Variants in PTH2R observed in about 807,000 individuals in gnomAD.
The protein encoded by PTH2R is PTH2 receptor.
Under a neutral mutation model 60.3 loss-of-function variants are expected in PTH2R, and 59 were observed. The observed-to-expected ratio is 0.98, with a 90% CI of 0.79 to 1.22. PTH2R has a LOEUF of 1.22. PTH2R is among the 50% of genes most tolerant of loss of function. The pLI, the probability that PTH2R is intolerant of heterozygous loss-of-function variation, is 0.00. For missense variants in PTH2R, 749 were observed against 682.6 expected, an observed-to-expected ratio of 1.10 and a Z score of -1.08; for synonymous variants, 256 against 243.8, an observed-to-expected ratio of 1.05 and a Z score of -0.47.
chr2:208,415,136 A>G (rs1459672247), intron 1 of PTH2R, among the ~76,000 whole-genome samples: 1 of 152,218 alleles, frequency 6.6e-6, no homozygotes, highest in Non-Finnish European at 1.5e-5. Flanking sequence ...CAATAGATCA[A>G]TATTGATTCA....
At chr2:208,467,730 T>C (rs2576810) in intron 9 of PTH2R, among the ~76,000 whole-genome samples, 125,145 of 152,164 alleles carry the variant, frequency 0.82, 52,150 homozygotes, top group African/African-American at 0.94. Flanking sequence ...CTACAAAAAC[T>C]GAGAGACAGG....
At chr2:208,389,297 CT>C (rs1205115480) in intron 1 of PTH2R, among the ~76,000 whole-genome samples, 3 of 151,200 alleles carry the variant, frequency 2.0e-5, no homozygotes, top group Non-Finnish European at 2.9e-5. Flanking sequence ...TCCAGATTGT[CT>C]ATACTCCTTG....
At chr2:208,488,833 C>T (rs6754577) in intron 10 of PTH2R, among the ~76,000 whole-genome samples, 179 bp from the exon 11 acceptor site, 85,350 of 152,004 alleles carry the variant, frequency 0.56, 27,004 homozygotes, top group Non-Finnish European at 0.69. Context: ...GCTGTGATCA[C>T]GCCACTGTAC....
intron 1 of PTH2R, among the ~76,000 whole-genome samples, chr2:208,362,064 C>G (rs1700484777): frequency 6.6e-6 from 1 of 152,188 alleles, no homozygotes; most frequent in African/African-American, 2.4e-5. Flanking sequence ...ATCTCCCCAC[C>G]ACCCCTGTGC....
At chr2:208,445,948 A>T (rs561382716) in intron 7 of PTH2R, among the ~76,000 whole-genome samples, 29 of 152,314 alleles carry the variant, frequency 1.9e-4, no homozygotes, top group African/African-American at 6.7e-4. Context: ...AAAATAAAAA[A>T]GATAATATTT....
chr2:208,376,632 A>G (rs1700796710), intron 1 of PTH2R, among the ~76,000 whole-genome samples: 1 of 152,106 alleles, frequency 6.6e-6, no homozygotes, highest in Non-Finnish European at 1.5e-5. Context: ...CAATTAAGTA[A>G]TAAGAGTAAG....
At chr2:208,404,710 A>G (rs1236040168), upstream of PTH2R, among the ~76,000 whole-genome samples, 1 of 152,182 alleles carries the variant, frequency 6.6e-6, no homozygotes, top group Non-Finnish European at 1.5e-5. Context: ...TGGAGTCAAG[A>G]CAAAAACCCT....
At chr2:208,470,140 G>C (rs1702849023) in intron 9 of PTH2R, among the ~76,000 whole-genome samples, 1 of 152,218 alleles carries the variant, frequency 6.6e-6, no homozygotes, top group Non-Finnish European at 1.5e-5. Context: ...AGGGCCTTGA[G>C]AATGCCAGTA....
At chr2:208,493,060 C>G (rs938105542) in intron 12 of PTH2R, among the ~76,000 whole-genome samples, 2 of 152,210 alleles carry the variant, frequency 1.3e-5, no homozygotes, top group Non-Finnish European at 2.9e-5. Context: ...TCTCTCTAAG[C>G]TTCAATTTGC....
upstream of PTH2R, among the ~76,000 whole-genome samples, chr2:208,405,943 CT>C (rs1236804988): frequency 6.6e-6 from 1 of 152,208 alleles, no homozygotes; most frequent in Non-Finnish European, 1.5e-5. Context: ...TGATCTTGGA[CT>C]TCCCAGCCTC....
At chr2:208,490,751 T>A in intron 12 of PTH2R, 71 bp downstream of exon 12, 1 of 1,397,350 alleles carries the variant, frequency 7.2e-7, no homozygotes, top group Non-Finnish European at 9.7e-7. Flanking sequence ...ATCCTGAATC[T>A]CTTTAGAATT....
chr2:208,405,960 T>A (rs570008407), upstream of PTH2R, among the ~76,000 whole-genome samples: 5 of 152,336 alleles, frequency 3.3e-5, no homozygotes, highest in South Asian at 1.0e-3. Flanking sequence ...GCCTCCAGAC[T>A]GTGAGAAATA....
intron 2 of PTH2R, among the ~76,000 whole-genome samples, chr2:208,432,307 T>C (rs1056762770): frequency 1.3e-5 from 2 of 152,084 alleles, no homozygotes; most frequent in African/African-American, 4.8e-5. Flanking sequence ...CCCTGTGGGG[T>C]TAATGGCTTA....
At chr2:208,366,648 T>C (rs1395436018) in intron 1 of PTH2R, among the ~76,000 whole-genome samples, 1 of 152,228 alleles carries the variant, frequency 6.6e-6, no homozygotes, top group Non-Finnish European at 1.5e-5. Flanking sequence ...GTTTATTCTG[T>C]TAATGTGCTG....
At chr2:208,418,290 G>A (rs1701683116) in intron 1 of PTH2R, among the ~76,000 whole-genome samples, 1 of 151,764 alleles carries the variant, frequency 6.6e-6, no homozygotes, top group African/African-American at 2.4e-5. Context: ...GACGATAAAG[G>A]GAATGTCTCA....
intron 1 of PTH2R, among the ~76,000 whole-genome samples, chr2:208,417,397 G>A (rs981757002): frequency 6.6e-6 from 1 of 152,038 alleles, no homozygotes; most frequent in African/African-American, 2.4e-5. Context: ...TCTCTTGGAG[G>A]CAATCTAGTT....
intron 1 of PTH2R, among the ~76,000 whole-genome samples, chr2:208,412,632 C>T (rs749525187): frequency 1.3e-5 from 2 of 152,184 alleles, no homozygotes; most frequent in Non-Finnish European, 2.9e-5. Flanking sequence ...GATAGGACAC[C>T]TGGCTGTAGT....
chr2:208,360,138 G>A (rs1247815588), exon 1 of PTH2R: 2 of 428,666 alleles, frequency 4.7e-6, no homozygotes, highest in Non-Finnish European at 9.2e-6. Flanking sequence ...TTTATGCTTC[G>A]AAGCAGTTTG....
chr2:208,457,657 A>T (rs1702541015), intron 8 of PTH2R, among the ~76,000 whole-genome samples: 2 of 152,224 alleles, frequency 1.3e-5, no homozygotes, highest in South Asian at 4.1e-4. Context: ...CATACACAAT[A>T]TGGTAATAAA....
Sources: gnomAD v4.1 joint callset for allele counts (sites outside exome capture counted in the v4.1 genomes callset) on GRCh38, gnomAD v4.1.1 for gene constraint, MANE v1.5 for transcripts, NCBI Gene and HGNC (gene_info 2026-07-23, HGNC 2026-07-21) for gene names.